Variants in GLYATL1 observed in about 807,000 individuals in gnomAD.
GLYATL1 encodes glycine-N-acyltransferase like 1.
GLYATL1 carries 15 observed loss-of-function variants against 20.0 expected under a neutral mutation model. The ratio of observed to expected loss-of-function variants is 0.75; its 90% CI spans 0.50 to 1.15. GLYATL1 has a LOEUF of 1.15. Among genes scored for constraint, GLYATL1 ranks in the 50% most tolerant of loss-of-function variants. GLYATL1 has a pLI of 0.00. For missense variants in GLYATL1, 380 were observed against 368.5 expected (o/e 1.03, Z -0.26); for synonymous variants, 151 against 131.5 (o/e 1.15, Z -1.01).
chr11:58,908,171 G>C (rs1031258563), exon 2 of GLYATL1: 5 of 152,160 alleles, frequency 3.3e-5, no homozygotes, highest in Admixed American at 3.3e-4. Flanking sequence ...ACAACTCCCA[G>C]CTTGTCTTCT....
Position 58,956,211 on chromosome 11 carries a change from G to C in GLYATL1, c.*184G>C. 1 of 605,780 alleles carries C rather than the reference G, an allele frequency of 1.7e-6. No homozygotes were observed. The highest frequency in any genetic ancestry group is 2.9e-6 in the Non-Finnish European group (1 of 347,076). 37.5% of individuals were successfully genotyped at this position (605,780 alleles called of 1,614,324 possible). ...TCTTGAGGAGCTTACAATCCTGGCT[G>C]GAGGCAGGGGAGGGTATATTCTTTA... On this transcript the variant is annotated 3_prime_UTR_variant, in exon 7 of 7. Transcript: ENST00000532726.
chr11:58,956,061 A>C lies in GLYATL1; in HGVS notation c.*34A>C, dbSNP rs535884742. On this transcript the variant is annotated 3_prime_UTR_variant, in exon 7 of 7. Transcript: ENST00000532726. ...GCTGCTTAGTAATCTCTGCCAAGCC[A>C]TCTCTTAATATTAAAGCAGACACCA... The C allele has an allele frequency of 1.9e-6, 3 of 1,555,364 alleles. No homozygotes were observed. In the Admixed American group the frequency reaches 5.2e-5, roughly 27 times the overall value.
chr11:58,955,827 A>G lies in GLYATL1; in HGVS notation c.709A>G (p.Lys237Glu), dbSNP rs768921228. The change falls in exon 7 of 7, where the codon AAA (lysine) becomes GAA (glutamate). Residue 237 changes from lysine to glutamate, a missense_variant. Coordinates refer to ENST00000532726, the MANE Select transcript of GLYATL1 (RefSeq NM_001389712.2). ...AGTAGGAATGGCCTACAGCATGGAA[A>G]AATACCGAAGGACAGGCAACATGGC... Reference protein sequence around the residue: ...CEVGMAYSMEKYRRTGNMARV... With the variant: ...CEVGMAYSMEEYRRTGNMARV... The G allele has an allele frequency of 8.1e-6, 13 of 1,614,220 alleles. 1 individual carries two copies. The Middle Eastern group carries it at 1.5e-3, about 184-fold the overall frequency.
At chr11:58,930,634 T>C (rs1250235260) in intron 1 of GLYATL1, among the ~76,000 whole-genome samples, 1 of 152,204 alleles carries the variant, frequency 6.6e-6, no homozygotes, top group African/African-American at 2.4e-5. Flanking sequence ...TTATAATGCC[T>C]AGAAAAATAT....
At chr11:58,918,670 T>A (rs1312700529) in intron 1 of GLYATL1, among the ~76,000 whole-genome samples, 3 of 152,162 alleles carry the variant, frequency 2.0e-5, no homozygotes, top group Admixed American at 2.0e-4. Context: ...GAAGTATAAT[T>A]AATAATATAA....
Position 58,943,563 on chromosome 11 carries a change from T to C in GLYATL1, c.-146T>C. On this transcript the variant is annotated 5_prime_UTR_variant, in exon 2 of 7. An upstream open reading frame in the 5' UTR loses its in-frame stop. Transcript: ENST00000532726. The stretch of plus-strand genomic sequence containing the variant: ...ATCAGATGGTGTCACAAGAAGGATC[T>C]GAAGTGGAGCTTCTAGTATCCCCAG... The C allele has an allele frequency of 2.5e-6, 4 of 1,613,380 alleles. No homozygotes were observed.
At chr11:58,905,776 C>G (rs1455938433) in intron 1 of GLYATL1, 1 of 385,734 alleles carries the variant, frequency 2.6e-6, no homozygotes. Context: ...TCCCCTCGGC[C>G]TGGCCGTCTG....
At chr11:58,924,095 G>A (rs549149164), upstream of GLYATL1, among the ~76,000 whole-genome samples, 14 of 152,240 alleles carry the variant, frequency 9.2e-5, no homozygotes, top group East Asian at 5.8e-4. Context: ...GTGTCCGACC[G>A]CCTGCACACC....
upstream of GLYATL1, among the ~76,000 whole-genome samples, chr11:58,926,323 G>T (rs1398451199): frequency 6.6e-6 from 1 of 152,194 alleles, no homozygotes; most frequent in Non-Finnish European, 1.5e-5. Context: ...TCACCTGAAG[G>T]TCTGCTCGTT....
At chr11:58,915,628 G>A (rs1465994494) in intron 1 of GLYATL1, among the ~76,000 whole-genome samples, 1 of 152,164 alleles carries the variant, frequency 6.6e-6, no homozygotes, top group East Asian at 1.9e-4. Context: ...TGTGGGTTAG[G>A]GCTCAGCAAT....
chr11:58,915,363 C>T lies in GLYATL1; in HGVS notation n.264+9702C>T, dbSNP rs191599044. Among the ~76,000 whole-genome samples the T allele has an allele frequency of 3.9e-5, 6 of 152,272 alleles. No individual in the cohort carries two copies. The East Asian group carries it at 7.7e-4, about 20-fold the overall frequency. ...TCAGTGAAGGGACCTTCAACAGAGC[C>T]GGGTCCTCCTTTCCCATGTGAGCCC... On this transcript the variant is annotated intron_variant and non_coding_transcript_variant, in intron 1 of 2. Transcript: ENST00000534674.
At chr11:58,908,679 G>A (rs549950705), downstream of GLYATL1, 1 of 152,390 alleles carries the variant, frequency 6.6e-6, no homozygotes, top group Admixed American at 6.5e-5. Context: ...AATATATTTG[G>A]GGAGCTCATA....
At chr11:58,943,484 G>C in intron 1 of GLYATL1, 59 bp from the exon 2 acceptor site, 1 of 1,544,460 alleles carries the variant, frequency 6.5e-7, no homozygotes, top group Non-Finnish European at 8.8e-7. Flanking sequence ...TTCACAAATT[G>C]TTTGTTGCTT....
intron 1 of GLYATL1, among the ~76,000 whole-genome samples, chr11:58,921,383 G>A (rs567946442): frequency 9.2e-5 from 14 of 152,196 alleles, no homozygotes; most frequent in South Asian, 8.3e-4. Context: ...ATGACCATAC[G>A]TTCCTAGGGG....
At chr11:58,910,939 G>A (rs1855025146), downstream of GLYATL1, among the ~76,000 whole-genome samples, 1 of 152,064 alleles carries the variant, frequency 6.6e-6, no homozygotes, top group South Asian at 2.1e-4. Context: ...CTAATTCCTT[G>A]TGTGGTTCCA....
intron 1 of GLYATL1, 56 bp from the exon 2 acceptor site, chr11:58,943,487 T>G (rs1856325993): frequency 3.2e-6 from 5 of 1,545,620 alleles, no homozygotes; most frequent in Non-Finnish European, 4.4e-6. Flanking sequence ...ACAAATTGTT[T>G]GTTGCTTAAT....
chr11:58,947,326 C>G (rs1565131406), intron 3 of GLYATL1, 161 bp downstream of exon 3: 2 of 1,032,332 alleles, frequency 1.9e-6, no homozygotes, highest in Non-Finnish European at 2.7e-6. Flanking sequence ...GCTGCTGCTT[C>G]TCTTTGGGAA....
At position 58,954,813 on chromosome 11, in the gene GLYATL1, T is replaced by G; in HGVS notation, c.230T>G (p.Met77Arg). The change falls in exon 5 of 7, where the codon ATG becomes AGG. Residue 77 changes from methionine to arginine, a missense_variant. Coordinates refer to ENST00000532726, the MANE Select transcript of GLYATL1 (RefSeq NM_001389712.2). ...DMDSYTNVYR[M>R]FSKEPQKSEE... ...GATTCATACACAAACGTATATCGTA[T>G]GTTCTCCAAAGAGCCTCAAAAATCA... 6.2e-7 allele frequency: 1 copy of G among 1,612,930 alleles called. No homozygotes were observed. The highest frequency in any genetic ancestry group is 1.1e-5 in the South Asian group (1 of 90,840).
chr11:58,924,285 G>A (rs945054764), upstream of GLYATL1, among the ~76,000 whole-genome samples: 2 of 152,196 alleles, frequency 1.3e-5, no homozygotes, highest in African/African-American at 4.8e-5. Context: ...CCATTAGGGG[G>A]CAATATCTTT....
Sources: allele counts gnomAD v4.1 joint callset (sites outside exome capture counted in the v4.1 genomes callset), GRCh38; gene constraint gnomAD v4.1.1; transcripts MANE v1.5; gene names NCBI Gene and HGNC (gene_info 2026-07-23, HGNC 2026-07-21).